MAGED1: variants seen among roughly 807,000 people sequenced by gnomAD.
MAGED1 encodes the protein melanoma-associated antigen D1.
In MAGED1, 3 loss-of-function variants were observed where a neutral mutation model predicts 54.1. The observed-to-expected ratio is 0.06, with a 90% CI of 0.03 to 0.14. The LOEUF is 0.14. Ranked by LOEUF, MAGED1 falls within the 10% of genes least tolerant of loss-of-function variation. MAGED1 has a pLI of 1.00. For missense variants in MAGED1, 485 were observed against 623.4 expected, an observed-to-expected ratio of 0.78 and a Z score of 2.36; for synonymous variants, 217 against 227.3, an observed-to-expected ratio of 0.95 and a Z score of 0.41.
intron 1 of MAGED1, among the ~76,000 whole-genome samples, chrX:51,825,240 G>A (rs1257495995): frequency 1.8e-5 from 2 of 110,545 alleles, no homozygotes; most frequent in African/African-American, 6.6e-5. Context: ...ATTGTAGAGG[G>A]GACTTGACTT....
chrX:51,891,487 G>A (rs1472094895), upstream of MAGED1, among the ~76,000 whole-genome samples: 1 of 113,021 alleles, frequency 8.8e-6, no homozygotes, highest in Non-Finnish European at 1.9e-5. Context: ...ATTGATCACA[G>A]GAAAAATTGC....
chrX:51,860,869 T>C (rs1299652372), intron 1 of MAGED1, among the ~76,000 whole-genome samples: 1 of 111,003 alleles, frequency 9.0e-6, no homozygotes, highest in Non-Finnish European at 1.9e-5. Context: ...ATTCTTGTTC[T>C]GCCCTCTTGT....
intron 2 of MAGED1, 183 bp downstream of exon 2, chrX:51,894,532 T>C: frequency 1.1e-6 from 1 of 882,874 alleles, no homozygotes; most frequent in Non-Finnish European, 1.6e-6. Flanking sequence ...CAGCCATCAG[T>C]CCCTGCTCAG....
At chrX:51,874,515 T>A (rs916304238) in intron 1 of MAGED1, among the ~76,000 whole-genome samples, 1 of 111,592 alleles carries the variant, frequency 9.0e-6, no homozygotes, top group African/African-American at 3.3e-5. Flanking sequence ...TCACTTAGAA[T>A]CTTTTCCATT....
At chrX:51,819,815 GCTGT>G (rs1453570737) in intron 1 of MAGED1, among the ~76,000 whole-genome samples, 1 of 111,305 alleles carries the variant, frequency 9.0e-6, no homozygotes, top group Non-Finnish European at 1.9e-5. Flanking sequence ...TGAAGTCCAA[GCTGT>G]CTAATTTTTC....
Position 51,860,864 on chromosome X carries a change from T to C in MAGED1, c.-36-33405T>C, listed in dbSNP as rs1876254735. On this transcript the variant is annotated intron_variant, in intron 1 of 12. Transcript: ENST00000375772. ...GGGACCAGAGGAGATACAGCATTCT[T>C]GTTCTGCCCTCTTGTGGCAAGCTGA... Among the ~76,000 whole-genome samples, 3 of 110,900 alleles carry C rather than the reference T, an allele frequency of 2.7e-5. No individual in the cohort carries two copies. The Admixed American group carries it at 2.9e-4, about 11-fold the overall frequency.
chrX:51,874,481 T>C (rs960820894), intron 1 of MAGED1, among the ~76,000 whole-genome samples: 6 of 111,516 alleles, frequency 5.4e-5, no homozygotes, highest in Admixed American at 2.9e-4. Context: ...TTATGCTCTG[T>C]TGTCTTTTAA....
intron 3 of MAGED1, 128 bp from the exon 4 acceptor site, chrX:51,896,281 C>T (rs1339816022): frequency 1.7e-6 from 1 of 586,523 alleles, no homozygotes; most frequent in Non-Finnish European, 2.6e-6. Context: ...AAACCCAGGA[C>T]TCAGGGTGAC....
rs1928772359 is a variant in MAGED1 at position 51,896,810 on chromosome X, A to C, written c.1155A>C (p.Gly385=). 2.5e-6 allele frequency: 3 copies of C among 1,206,109 alleles called. No individual in the cohort carries two copies. Among genetic ancestry groups the C allele is most frequent in the Non-Finnish European group, 3.4e-6 (3 of 893,018 alleles). ...CACCTGGATGGCAGACTCCACCTGG[A>C]TGGCAGACCCCACCGGGCTGGCAGG... ...QNPPGWQTPP[G]WQTPPGWQGP... The change falls in exon 4 of 13, where the codon GGA becomes GGC. Residue 385 remains glycine (G), a synonymous_variant. Transcript: ENST00000326587.
chrX:51,864,128 C>G (rs1250628362), intron 1 of MAGED1, among the ~76,000 whole-genome samples: 1 of 109,634 alleles, frequency 9.1e-6, no homozygotes, highest in Non-Finnish European at 1.9e-5. Flanking sequence ...TTAGGACTTG[C>G]ATTTAAATCT....
intron 1 of MAGED1, among the ~76,000 whole-genome samples, chrX:51,835,322 G>A (rs1384364058): frequency 9.0e-6 from 1 of 110,953 alleles, no homozygotes; most frequent in Non-Finnish European, 1.9e-5. Context: ...ATCTAACACG[G>A]AGCTTCTTTT....
intron 1 of MAGED1, among the ~76,000 whole-genome samples, chrX:51,821,718 T>C (rs1480833719): frequency 8.9e-6 from 1 of 111,750 alleles, no homozygotes; most frequent in Non-Finnish European, 1.9e-5. Flanking sequence ...GTATGGTGTT[T>C]CTGTGACTTT....
At chrX:51,841,753 T>G (rs1473865149) in intron 1 of MAGED1, among the ~76,000 whole-genome samples, 2 of 111,582 alleles carry the variant, frequency 1.8e-5, no homozygotes. Flanking sequence ...TGTAGATATG[T>G]GGCATTATTT....
chrX:51,868,734 A>G (rs1215602422), intron 1 of MAGED1, among the ~76,000 whole-genome samples: 1 of 111,009 alleles, frequency 9.0e-6, no homozygotes, highest in Non-Finnish European at 1.9e-5. Context: ...TGTGGATGGG[A>G]CATGTTGATG....
In MAGED1 at chrX:51,895,183, C is replaced by A. The variant is rs782707442; in HGVS notation, c.176C>A (p.Ala59Asp). Residue 59 changes from alanine (A) to aspartate (D), a missense_variant, in exon 3 of 13, where the codon GCC becomes GAC. Ala to Asp is a moderately radical substitution (Grantham distance 126, BLOSUM62 -2). Around this residue, in one of 2 missense-constraint regions of MAGED1, gnomAD observed 299 missense variants for 293.1 expected, o/e 1.02. Transcript: ENST00000326587. ...ASPQSSQPPT[A>D]NEMADIQVSA... is the part of the protein sequence containing the mutation. ...CCCCAGAGTTCACAGCCCCCAACTG[C>A]CAATGAGATGGCTGACATTCAGGTT... 8.3e-7 allele frequency: 1 copy of A among 1,211,786 alleles called. No individual in the cohort carries two copies. The highest frequency in any genetic ancestry group is 1.8e-5 in the South Asian group (1 of 56,959).
chrX:51,822,803 T>G (rs1925690804), intron 1 of MAGED1, among the ~76,000 whole-genome samples: 1 of 111,455 alleles, frequency 9.0e-6, no homozygotes, highest in Admixed American at 9.6e-5. Context: ...ACTATAAATT[T>G]TCATCAATAA....
chrX:51,850,689 A>G (rs1461231140), intron 1 of MAGED1, among the ~76,000 whole-genome samples: 2 of 110,988 alleles, frequency 1.8e-5, no homozygotes, highest in African/African-American at 6.6e-5. Context: ...ACCTGAGGTC[A>G]GGAGTTTGAG....
intron 1 of MAGED1, among the ~76,000 whole-genome samples, chrX:51,824,862 C>CTGTGTG (rs58934297): frequency 0.016 from 1,184 of 72,615 alleles, 13 homozygotes; most frequent in African/African-American, 0.029. Flanking sequence ...TCTCAGAAAC[C>CTGTGTG]TGTGTGTGTG....
At chrX:51,809,024 G>A (rs1189928978) in intron 1 of MAGED1, among the ~76,000 whole-genome samples, 3 of 112,304 alleles carry the variant, frequency 2.7e-5, no homozygotes, top group Non-Finnish European at 5.6e-5. Flanking sequence ...GCTTTGTTAA[G>A]TCAGTATCCA....
Sources: allele counts gnomAD v4.1 joint callset (sites outside exome capture counted in the v4.1 genomes callset), GRCh38; gene constraint gnomAD v4.1.1; regional missense constraint gnomAD v4.1.1; transcripts MANE v1.5; gene names NCBI Gene and HGNC (gene_info 2026-07-23, HGNC 2026-07-21).